Variants in DDOST observed in about 807,000 individuals in gnomAD.
DDOST encodes dolichyl-diphosphooligosaccharide--protein glycosyltransferase non-catalytic subunit, also known as dolichyl-diphosphooligosaccharide--protein glycosyltransferase 48 kDa subunit.
A neutral mutation model predicts 47.6 loss-of-function variants in DDOST; 25 were observed. The ratio of observed to expected loss-of-function variants is 0.53; its 90% CI spans 0.38 to 0.73. The LOEUF is 0.73. DDOST is among the 30% of genes least tolerant of loss of function. The pLI is 0.00. For synonymous variants in DDOST, 275 were observed against 236.0 expected, an observed-to-expected ratio of 1.17 and a Z score of -1.51; for missense variants, 526 against 573.9, an observed-to-expected ratio of 0.92 and a Z score of 0.85.
chr1:20,656,095 A>C lies in DDOST; in HGVS notation c.352+6T>G, dbSNP rs2053369059. 6.2e-7 allele frequency: 1 copy of C among 1,611,812 alleles called. No homozygotes were observed. The highest frequency in any genetic ancestry group is 1.3e-5 in the African/African-American group (1 of 74,866). On this transcript the variant is annotated splice_donor_region_variant and intron_variant, in intron 3 of 10. Coordinates refer to ENST00000602624, the MANE Select transcript of DDOST (RefSeq NM_005216.5). ...AAAGCACCAGAACCTCCCAGGTCGG[A>C]CTCACCAATGTCGGAGCTGGCAGCT...
At position 20,652,898 on chromosome 1, in the gene DDOST, T is replaced by A; in HGVS notation, c.1016A>T (p.Glu339Val). 1 of 1,614,164 alleles carries A rather than the reference T, an allele frequency of 6.2e-7. No homozygotes were observed. The highest frequency in any genetic ancestry group is 8.5e-7 in the Non-Finnish European group (1 of 1,180,030). The change falls in exon 9 of 11, where the codon GAG becomes GTG. Residue 339 changes from glutamate (E) to valine (V), a missense_variant. By Grantham distance (121) the Glu-to-Val change is moderately radical. Coordinates refer to ENST00000602624, the MANE Select transcript of DDOST (RefSeq NM_005216.5). ...CACAAAAGGATCAATGCGGACAAAC[T>A]CCAGCTGAATGTCATCGCCATCAAA... ...VPFDGDDIQL[E>V]FVRIDPFVRT...
chr1:20,654,847 A>G (rs568794101), intron 5 of DDOST, 140 bp from the exon 6 acceptor site: 6 of 635,624 alleles, frequency 9.4e-6, no homozygotes, highest in East Asian at 2.8e-5. Context: ...TGATATAACA[A>G]TGGAGTCTGA....
intron 1 of DDOST, 93 bp from the exon 2 acceptor site, chr1:20,661,084 C>T: frequency 6.7e-7 from 1 of 1,483,754 alleles, no homozygotes; most frequent in African/African-American, 1.4e-5. Context: ...AGCGGCAGGC[C>T]AGACCCGGGC....
In DDOST at chr1:20,652,795, G is replaced by A; in HGVS notation, c.1063+56C>T. ...AGCTTTTCCTGGTTGGGCCTCGAGA[G>A]CAAGTGAGGCCTGGGGCCGTTTCTG... On this transcript the variant is annotated intron_variant, in intron 9 of 10. Coordinates refer to ENST00000602624, the MANE Select transcript of DDOST (RefSeq NM_005216.5). 9 of 1,589,060 alleles carry A rather than the reference G, an allele frequency of 5.7e-6. No homozygotes were observed. The South Asian group carries it at 8.9e-5, about 16-fold the overall frequency.
rs2154534183 is a variant in DDOST at position 20,652,601 on chromosome 1, A to C, written c.1170+20T>G. 2 of 1,614,084 alleles carry C rather than the reference A, an allele frequency of 1.2e-6. No homozygotes were observed. The highest frequency in any genetic ancestry group is 2.2e-5 in the East Asian group (1 of 44,882). On this transcript the variant is annotated intron_variant, in intron 10 of 10. Coordinates refer to ENST00000602624, the MANE Select transcript of DDOST (RefSeq NM_005216.5). ...CAGGGCACATGCTAGCTGAAAACAG[A>C]AGCTGTCACCTGTGCTTACCTGAGT...
intron 1 of DDOST, 37 bp downstream of exon 1, chr1:20,661,160 G>A: frequency 1.2e-6 from 2 of 1,600,626 alleles, no homozygotes; most frequent in Non-Finnish European, 1.7e-6. Context: ...ACCAACCCCA[G>A]GCCCCCACAC....
In DDOST at chr1:20,655,049, G is replaced by A. The variant is rs918537017; in HGVS notation, c.552-342C>T. On this transcript the variant is annotated intron_variant, in intron 5 of 10. Transcript: ENST00000602624. ...TAATTTTTGTATTTTTAGCAGAGAC[G>A]GGGTTTCACCATGTTGGCCAGGCTG... Among the ~76,000 whole-genome samples, 13 of 152,158 alleles carry A rather than the reference G, an allele frequency of 8.5e-5. 1 individual carries two copies. Among genetic ancestry groups the A allele is most frequent in the South Asian group, 4.2e-4 (2 of 4,818 alleles).
Position 20,654,887 on chromosome 1 carries a change from CCTCG to C in DDOST, c.552-184_552-181del, listed in dbSNP as rs2053351446. On this transcript the variant is annotated intron_variant, in intron 5 of 10. Transcript: ENST00000602624. ...TTTTTGTTTTTGTTTTTCAGACAGACCTCGCTCTGCCACCTGGGCTGGAGTGCAG... is the reference window on the plus strand; with the variant it reads ...TTTTTGTTTTTGTTTTTCAGACAGACCTCTGCCACCTGGGCTGGAGTGCAG... Among the ~76,000 whole-genome samples, 4 of 152,106 alleles carry C rather than the reference CCTCG, an allele frequency of 2.6e-5. No homozygotes were observed. In the East Asian group the frequency reaches 7.7e-4, roughly 29 times the overall value.
chr1:20,660,962 C>T lies in DDOST; in HGVS notation c.184G>A (p.Ala62Thr). ...ATGAGAGACAGGCTGGGGTCATCAG[C>T]GGTCTTGAATGTGAGCTCAAAGCCC... is the stretch of plus-strand genomic sequence containing the variant. ...DRGFELTFKT[A>T]DDPSLSLIKY... is the part of the protein sequence containing the mutation. Residue 62 changes from alanine (A) to threonine (T), a missense_variant, in exon 2 of 11, where the codon GCT (alanine) becomes ACT (threonine). Transcript: ENST00000602624. The T allele has an allele frequency of 1.2e-6, 2 of 1,613,726 alleles. No homozygotes were observed. Among genetic ancestry groups the T allele is most frequent in the South Asian group, 1.1e-5 (1 of 91,068 alleles).
At position 20,655,799 on chromosome 1, in the gene DDOST, A is replaced by G. The variant is rs756911269; in HGVS notation, c.353-20T>C. The G allele has an allele frequency of 1.9e-6, 3 of 1,606,244 alleles. No individual in the cohort carries two copies. Among genetic ancestry groups the G allele is most frequent in the Admixed American group, 3.3e-5 (2 of 59,970 alleles). On this transcript the variant is annotated intron_variant, in intron 3 of 10. Coordinates refer to ENST00000602624, the MANE Select transcript of DDOST (RefSeq NM_005216.5). ...GGTCACCTGCACAGACCGAAGAGAC[A>G]CCTAGCTGAGCCCTTACAGGGGGGC...
chr1:20,656,279 C>G (rs1293675278), intron 2 of DDOST, 92 bp from the exon 3 acceptor site: 3 of 938,402 alleles, frequency 3.2e-6, no homozygotes, highest in Non-Finnish European at 5.2e-6. Flanking sequence ...GCAGAGCAGC[C>G]ACGATCACTC....
chr1:20,657,066 G>A (rs1333070010), intron 2 of DDOST, among the ~76,000 whole-genome samples: 2 of 152,258 alleles, frequency 1.3e-5, no homozygotes, highest in Non-Finnish European at 2.9e-5. Context: ...AGGAAGACCT[G>A]CAAGTGGCAT....
At chr1:20,661,026 G>T (rs760528439) in intron 1 of DDOST, 35 bp from the exon 2 acceptor site, 1 of 1,540,284 alleles carries the variant, frequency 6.5e-7, no homozygotes, top group East Asian at 2.3e-5. Flanking sequence ...GAGGAAGACG[G>T]GACGCGAAGG....
chr1:20,658,856 CTTTTTT>C, intron 2 of DDOST, among the ~76,000 whole-genome samples: 1 of 132,818 alleles, frequency 7.5e-6, no homozygotes, highest in Non-Finnish European at 1.6e-5. Context: ...TTTCTCTTTT[CTTTTTT>C]TTTTTTTTTT....
chr1:20,658,177 C>G (rs1449669100), intron 2 of DDOST, among the ~76,000 whole-genome samples: 2 of 152,246 alleles, frequency 1.3e-5, no homozygotes, highest in African/African-American at 4.8e-5. Context: ...ACTTCCCCAT[C>G]TATAACAGGG....
At chr1:20,659,302 C>G (rs1391079785) in intron 2 of DDOST, among the ~76,000 whole-genome samples, 1 of 152,100 alleles carries the variant, frequency 6.6e-6, no homozygotes, top group Non-Finnish European at 1.5e-5. Context: ...CACTCTCTGT[C>G]GTTTCTCCCA....
At position 20,651,794 on chromosome 1, in the gene DDOST, G is replaced by A. The variant is rs1025735775; in HGVS notation, c.*585C>T. ...AGGTGAAGTTTGAGGGCAACATCTC[G>A]CTTTATTTTTATTTATTTATTTATT... On this transcript the variant is annotated 3_prime_UTR_variant, in exon 11 of 11. Transcript: ENST00000602624. The A allele has an allele frequency of 4.9e-5, 6 of 122,318 alleles. No homozygotes were observed. Among genetic ancestry groups the A allele is most frequent in the African/African-American group, 9.3e-5 (3 of 32,378 alleles). The allele number at this position is 122,318 out of a possible 1,614,324, so 7.6% of individuals were successfully genotyped here. A position where few individuals can be genotyped will look rare whatever the true frequency, so the allele number is the denominator to read the frequency against.
chr1:20,652,734 A>G lies in DDOST; in HGVS notation c.1064-7T>C, dbSNP rs775114566. ...TGAACACTGTATTTGCCACCTGCGG[A>G]AGAACCAACAAGAATAACCGGGAGG... On this transcript the variant is annotated splice_polypyrimidine_tract_variant and splice_region_variant and intron_variant, in intron 9 of 10. Transcript: ENST00000602624. 3 of 1,613,968 alleles carry G rather than the reference A, an allele frequency of 1.9e-6. No individual in the cohort carries two copies. The African/African-American group carries it at 4.0e-5, about 22-fold the overall frequency.
At chr1:20,654,157 G>T in intron 7 of DDOST, 66 bp downstream of exon 7, 1 of 1,517,658 alleles carries the variant, frequency 6.6e-7, no homozygotes, top group Non-Finnish European at 8.9e-7. Flanking sequence ...TTCCCCTTCT[G>T]AGTCCTCCCC....
Sources: gnomAD v4.1 joint callset for allele counts (sites outside exome capture counted in the v4.1 genomes callset) on GRCh38, gnomAD v4.1.1 for gene constraint, MANE v1.5 for transcripts, NCBI Gene and HGNC (gene_info 2026-07-23, HGNC 2026-07-21) for gene names.